Variants in ASB3 observed in about 807,000 individuals in gnomAD.
ASB3 encodes the protein ankyrin repeat and SOCS box containing 3, also known as ankyrin repeat and SOCS box protein 3.
In ASB3, 41 loss-of-function variants were observed where a neutral mutation model predicts 54.5. The ratio of observed to expected loss-of-function variants is 0.75; its 90% CI spans 0.59 to 0.98. ASB3 has a LOEUF of 0.98. Among genes scored for constraint, ASB3 ranks in the 50% least tolerant of loss-of-function variants. ASB3 has a pLI of 0.00. For synonymous variants in ASB3, 266 were observed against 221.2 expected (o/e 1.20, Z -1.80); for missense variants, 733 against 620.0 (o/e 1.18, Z -1.94).
At chr2:53,744,307 C>G (rs1672103299) in intron 3 of ASB3, among the ~76,000 whole-genome samples, 1 of 150,682 alleles carries the variant, frequency 6.6e-6, no homozygotes, top group Non-Finnish European at 1.5e-5. Context: ...TGGCATGAAC[C>G]CGGGACGCAG....
chr2:53,779,857 C>T (rs1484774226), intron 1 of ASB3, among the ~76,000 whole-genome samples: 1 of 152,194 alleles, frequency 6.6e-6, no homozygotes, highest in African/African-American at 2.4e-5. Flanking sequence ...ATTCATTAAT[C>T]CTTTAACACA....
intron 3 of ASB3, among the ~76,000 whole-genome samples, chr2:53,733,803 G>A (rs565069043): frequency 6.0e-4 from 92 of 152,298 alleles, no homozygotes; most frequent in African/African-American, 2.2e-3. Flanking sequence ...TGTGGAGTGG[G>A]AAATCAGGGG....
In ASB3 at chr2:53,694,008, G is replaced by C; in HGVS notation, c.1245C>G (p.Asp415Glu). ...PLILLCNSWIDSVSIDTLIFT... is the reference protein window; with the variant it reads ...PLILLCNSWIESVSIDTLIFT... ...AGATAAGGGTGTCAATGCTGACTGAGTCAATCCTATGTTAGCAAGATGTTA... is the reference window on the plus strand; with the variant it reads ...AGATAAGGGTGTCAATGCTGACTGACTCAATCCTATGTTAGCAAGATGTTA... Residue 415 changes from aspartate (D) to glutamate (E), a missense_variant, in exon 9 of 10, where the codon GAC (aspartate) becomes GAG (glutamate). Coordinates refer to ENST00000263634, the MANE Select transcript of ASB3 (RefSeq NM_016115.5). 1.2e-6 allele frequency: 2 copies of C among 1,613,036 alleles called. No individual in the cohort carries two copies. The highest frequency in any genetic ancestry group is 1.7e-6 in the Non-Finnish European group (2 of 1,179,360).
intron 5 of ASB3, among the ~76,000 whole-genome samples, chr2:53,720,886 T>C (rs1288947977): frequency 3.3e-5 from 5 of 152,064 alleles, no homozygotes; most frequent in African/African-American, 4.8e-5. Flanking sequence ...GAGGCCGAGA[T>C]GGGCAGATCA....
chr2:53,726,054 G>A (rs777332691), intron 5 of ASB3, among the ~76,000 whole-genome samples: 9 of 151,906 alleles, frequency 5.9e-5, no homozygotes, highest in African/African-American at 2.2e-4. Context: ...TCACTGAAAC[G>A]AAAGTAATAG....
chr2:53,733,334 G>C (rs1413849606), intron 3 of ASB3, among the ~76,000 whole-genome samples: 2 of 152,086 alleles, frequency 1.3e-5, no homozygotes, highest in Admixed American at 6.5e-5. Context: ...ATTCTGTGTA[G>C]AAACTTGATT....
intron 3 of ASB3, among the ~76,000 whole-genome samples, chr2:53,733,096 T>G (rs1298672153): frequency 6.6e-6 from 1 of 152,136 alleles, no homozygotes; most frequent in Admixed American, 6.5e-5. Context: ...AGTCAACCAC[T>G]CACGTATCTA....
Position 53,690,105 on chromosome 2 carries a change from A to G in ASB3, c.1369+3779T>C, listed in dbSNP as rs141970463. Among the ~76,000 whole-genome samples, 1,105 of 151,916 alleles carry G rather than the reference A, an allele frequency of 7.3e-3. 17 individuals are homozygous for G. The highest frequency in any genetic ancestry group is 0.025 in the African/African-American group (1,050 of 41,424). ...ACAAAAATTAGCTGGGCATGGTGCC[A>G]CATGGCTATGATCCCAGCTACTCGG... On this transcript the variant is annotated intron_variant, in intron 9 of 9. Coordinates refer to ENST00000263634, the MANE Select transcript of ASB3 (RefSeq NM_016115.5).
intron 1 of ASB3, among the ~76,000 whole-genome samples, chr2:53,784,533 C>T (rs187124567): frequency 6.6e-6 from 1 of 152,172 alleles, no homozygotes; most frequent in Non-Finnish European, 1.5e-5. Context: ...GTCAGCAGGG[C>T]TATTCTCTCT....
chr2:53,771,018 C>A (rs1254276609), intron 1 of ASB3, among the ~76,000 whole-genome samples: 1 of 152,092 alleles, frequency 6.6e-6, no homozygotes, highest in Non-Finnish European at 1.5e-5. Flanking sequence ...AAGTATGAGC[C>A]CCAGAACAAT....
At chr2:53,768,059 T>C (rs1298298443) in intron 1 of ASB3, 5 of 1,606,132 alleles carry the variant, frequency 3.1e-6, no homozygotes, top group Non-Finnish European at 4.2e-6. Flanking sequence ...TACTGCCCCC[T>C]GACCCCTGCT....
At chr2:53,760,902 C>G (rs1050524634) in intron 2 of ASB3, among the ~76,000 whole-genome samples, 1 of 152,190 alleles carries the variant, frequency 6.6e-6, no homozygotes, top group African/African-American at 2.4e-5. Flanking sequence ...CAGATGCAGT[C>G]CATGACTAAG....
At chr2:53,670,726 A>G in intron 9 of ASB3, 36 bp from the exon 10 acceptor site, 1 of 1,585,330 alleles carries the variant, frequency 6.3e-7, no homozygotes, top group Non-Finnish European at 8.6e-7. Context: ...AAACTTTTTT[A>G]AACAGAAAGA....
intron 1 of ASB3, chr2:53,774,468 T>C (rs781143265): frequency 4.2e-5 from 67 of 1,589,370 alleles, no homozygotes; most frequent in Non-Finnish European, 5.5e-5. Context: ...ATCTTTTCGC[T>C]TTGGAAAAAT....
chr2:53,771,139 T>C (rs890755302), intron 1 of ASB3, among the ~76,000 whole-genome samples: 3 of 152,200 alleles, frequency 2.0e-5, no homozygotes, highest in Non-Finnish European at 4.4e-5. Context: ...TCAAGCCCTC[T>C]AGGTCATTTT....
At chr2:53,691,956 C>T (rs1387559623) in intron 9 of ASB3, among the ~76,000 whole-genome samples, 2 of 152,184 alleles carry the variant, frequency 1.3e-5, no homozygotes. Context: ...TAGGACAACA[C>T]AAGAGTCACT....
chr2:53,785,062 C>G (rs567223663), intron 1 of ASB3, among the ~76,000 whole-genome samples: 18 of 152,364 alleles, frequency 1.2e-4, no homozygotes, highest in African/African-American at 4.3e-4. Context: ...TCCAACACAT[C>G]AAGCTCATTC....
chr2:53,760,150 C>G (rs757450454), intron 2 of ASB3, among the ~76,000 whole-genome samples: 41 of 152,042 alleles, frequency 2.7e-4, no homozygotes, highest in Admixed American at 6.5e-4. Context: ...GAGAGACATC[C>G]TAGGAAAAGC....
chr2:53,698,184 T>C (rs780564681), intron 8 of ASB3, among the ~76,000 whole-genome samples: 2 of 152,110 alleles, frequency 1.3e-5, no homozygotes, highest in Non-Finnish European at 2.9e-5. Context: ...GCCTACAGAA[T>C]TAGTACCACC....
Sources: allele counts gnomAD v4.1 joint callset (sites outside exome capture counted in the v4.1 genomes callset), GRCh38; gene constraint gnomAD v4.1.1; transcripts MANE v1.5; gene names NCBI Gene and HGNC (gene_info 2026-07-23, HGNC 2026-07-21).